The following PPARGC1A variants were observed in gnomAD, a reference collection of about 807,000 sequenced individuals.
PPARGC1A encodes peroxisome proliferator-activated receptor gamma coactivator 1-alpha.
Under a neutral mutation model 88.7 loss-of-function variants are expected in PPARGC1A, and 25 were observed. The ratio of observed to expected loss-of-function variants is 0.28; its 90% CI spans 0.21 to 0.39. PPARGC1A has a LOEUF of 0.39. Among genes scored for constraint, PPARGC1A ranks in the 10% least tolerant of loss-of-function variants. The pLI, the probability that PPARGC1A is intolerant of heterozygous loss-of-function variation, is 1.00. For synonymous variants in PPARGC1A, 363 were observed against 355.6 expected, an observed-to-expected ratio of 1.02 and a Z score of -0.24; for missense variants, 880 against 968.7, an observed-to-expected ratio of 0.91 and a Z score of 1.22.
At chr4:24,387,838 A>AAGAG in the PPARGC1A span, among the ~76,000 whole-genome samples, 43 of 72,488 alleles carry the variant, frequency 5.9e-4, no homozygotes, top group South Asian at 2.5e-3. Flanking sequence ...GAAAGAGAGA[A>AAGAG]AGAGAGAGAG....
chr4:24,422,989 G>A, the PPARGC1A span, among the ~76,000 whole-genome samples: 5 of 152,274 alleles, frequency 3.3e-5, no homozygotes, highest in East Asian at 7.7e-4. Flanking sequence ...TTAAAATACA[G>A]CCCCTATTAT....
chr4:23,797,802 T>C (rs1163600362), intron 12 of PPARGC1A, among the ~76,000 whole-genome samples: 1 of 152,176 alleles, frequency 6.6e-6, no homozygotes, highest in Non-Finnish European at 1.5e-5. Context: ...CTCCCGCTAA[T>C]GAAAGGATAT....
upstream of PPARGC1A, among the ~76,000 whole-genome samples, chr4:23,905,914 T>C (rs1263659512): frequency 6.6e-6 from 1 of 152,156 alleles, no homozygotes; most frequent in Non-Finnish European, 1.5e-5. Flanking sequence ...TAGGAGTCTC[T>C]TCACAAATCA....
chr4:24,193,641 A>C, the PPARGC1A span, among the ~76,000 whole-genome samples: 1 of 152,304 alleles, frequency 6.6e-6, no homozygotes, highest in South Asian at 2.1e-4. Flanking sequence ...GTTCAATGTC[A>C]TCTTTTACAA....
the PPARGC1A span, among the ~76,000 whole-genome samples, chr4:24,413,346 ACACGGG>A: frequency 6.6e-6 from 1 of 151,912 alleles, no homozygotes; most frequent in Non-Finnish European, 1.5e-5. Flanking sequence ...CTACAGCCAA[ACACGGG>A]GAAGGCAAGA....
the PPARGC1A span, among the ~76,000 whole-genome samples, chr4:24,418,336 G>A: frequency 2.0e-5 from 3 of 152,108 alleles, no homozygotes; most frequent in Admixed American, 6.6e-5. Flanking sequence ...TACATCAAGC[G>A]TTAACTAGTG....
At chr4:23,963,226 T>C in the PPARGC1A span, among the ~76,000 whole-genome samples, 5 of 152,274 alleles carry the variant, frequency 3.3e-5, no homozygotes, top group Non-Finnish European at 7.4e-5. Flanking sequence ...CAAAGGAAAA[T>C]AGCTAGGGAT....
At chr4:24,420,461 C>T in the PPARGC1A span, among the ~76,000 whole-genome samples, 1 of 152,126 alleles carries the variant, frequency 6.6e-6, no homozygotes, top group East Asian at 1.9e-4. Flanking sequence ...CACTCTGGTT[C>T]TTTGGAAGAT....
At chr4:24,067,611 C>G in the PPARGC1A span, among the ~76,000 whole-genome samples, 1 of 152,178 alleles carries the variant, frequency 6.6e-6, no homozygotes, top group African/African-American at 2.4e-5. Context: ...TTCGGAGGCA[C>G]AGGTTTAGCT....
At chr4:24,335,981 T>C in the PPARGC1A span, among the ~76,000 whole-genome samples, 1 of 152,202 alleles carries the variant, frequency 6.6e-6, no homozygotes, top group Non-Finnish European at 1.5e-5. Context: ...AAAGGGTTAA[T>C]TGAGGGCTTT....
At chr4:24,165,096 G>A in the PPARGC1A span, among the ~76,000 whole-genome samples, 913 of 152,002 alleles carry the variant, frequency 6.0e-3, 8 homozygotes, top group African/African-American at 0.02. Context: ...AAGCATTTGA[G>A]GAAAGCGAAA....
At chr4:24,242,641 T>C in the PPARGC1A span, among the ~76,000 whole-genome samples, 1 of 152,186 alleles carries the variant, frequency 6.6e-6, no homozygotes, top group African/African-American at 2.4e-5. Context: ...ACCACGTATG[T>C]CATCTTCACC....
the PPARGC1A span, among the ~76,000 whole-genome samples, chr4:24,006,337 C>A: frequency 6.6e-6 from 1 of 152,326 alleles, no homozygotes; most frequent in Non-Finnish European, 1.5e-5. Context: ...GCATGAGGCA[C>A]TGTGCCCGGC....
chr4:23,954,989 G>A, the PPARGC1A span, among the ~76,000 whole-genome samples: 1 of 152,018 alleles, frequency 6.6e-6, no homozygotes, highest in Non-Finnish European at 1.5e-5. Flanking sequence ...ATGTCAGAGT[G>A]TAGCTAATAA....
the PPARGC1A span, among the ~76,000 whole-genome samples, chr4:24,470,283 C>G: frequency 1.5e-4 from 18 of 121,902 alleles, no homozygotes; most frequent in South Asian, 8.2e-4. This position sits in a 1 kb window ranked among gnomAD's most constrained non-coding sequence, Gnocchi z 5.8. Flanking sequence ...CACAGACACA[C>G]ACACACACAC....
chr4:24,003,946 T>C, the PPARGC1A span, among the ~76,000 whole-genome samples: 1 of 152,146 alleles, frequency 6.6e-6, no homozygotes, highest in Non-Finnish European at 1.5e-5. Context: ...ATGGAAACTG[T>C]AACTGTCATT....
intron 2 of PPARGC1A, among the ~76,000 whole-genome samples, chr4:23,865,504 A>C (rs1711725151): frequency 6.6e-6 from 1 of 152,198 alleles, no homozygotes; most frequent in Non-Finnish European, 1.5e-5. Context: ...CAGATCTATT[A>C]AGAGAGAAGA....
At chr4:24,354,588 T>C in the PPARGC1A span, among the ~76,000 whole-genome samples, 3 of 152,164 alleles carry the variant, frequency 2.0e-5, no homozygotes, top group Non-Finnish European at 4.4e-5. Context: ...ACACATATCA[T>C]GTAAAACCAC....
chr4:24,261,736 C>A, the PPARGC1A span, among the ~76,000 whole-genome samples: 1 of 152,056 alleles, frequency 6.6e-6, no homozygotes, highest in Admixed American at 6.6e-5. Flanking sequence ...CCGTTCCTTT[C>A]TCCTATTTGC....
Sources: allele counts gnomAD v4.1 joint callset (sites outside exome capture counted in the v4.1 genomes callset), GRCh38; gene constraint gnomAD v4.1.1; non-coding constraint Gnocchi (gnomAD v3.1); transcripts MANE v1.5; gene names NCBI Gene and HGNC (gene_info 2026-07-23, HGNC 2026-07-21).